NAV2: variants seen among roughly 807,000 people sequenced by gnomAD.
NAV2 encodes neuron navigator 2, also known as helicase, APC down-regulated 1.
Under a neutral mutation model 223.2 loss-of-function variants are expected in NAV2, and 54 were observed. The ratio of observed to expected loss-of-function variants is 0.24; its 90% CI spans 0.19 to 0.30. The LOEUF (loss-of-function observed/expected upper bound fraction) is 0.30. Among genes scored for constraint, NAV2 ranks in the 10% least tolerant of loss-of-function variants. The pLI, the probability that NAV2 is intolerant of heterozygous loss-of-function variation, is 1.00. For synonymous variants in NAV2, 1,279 were observed against 1,239.3 expected (o/e 1.03, Z -0.67); for missense variants, 2,806 against 3,147.5 (o/e 0.89, Z 2.60).
chr11:19,744,177 C>T (rs1343111265), intron 1 of NAV2, among the ~76,000 whole-genome samples: 1 of 152,218 alleles, frequency 6.6e-6, no homozygotes, highest in Non-Finnish European at 1.5e-5. Context: ...GTTTTAAACC[C>T]ATACTTCTGC....
At chr11:19,399,977 A>T (rs1485024137) in intron 1 of NAV2, among the ~76,000 whole-genome samples, 1 of 152,180 alleles carries the variant, frequency 6.6e-6, no homozygotes, top group Admixed American at 6.5e-5. Flanking sequence ...ACTGAGCAGG[A>T]GTTATTCACA....
At chr11:20,019,917 G>A (rs574919028) in intron 11 of NAV2, among the ~76,000 whole-genome samples, 31 of 151,852 alleles carry the variant, frequency 2.0e-4, no homozygotes, top group Non-Finnish European at 3.8e-4. Flanking sequence ...CATCTTGCCT[G>A]GTGGGTTGAA....
At chr11:19,734,926 A>G (rs1042155096) in intron 1 of NAV2, among the ~76,000 whole-genome samples, 2 of 152,210 alleles carry the variant, frequency 1.3e-5, no homozygotes, top group African/African-American at 4.8e-5. Context: ...CCTAGGTAGC[A>G]TGTAGTTATT....
chr11:19,852,633 A>G (rs1565429315), intron 3 of NAV2, among the ~76,000 whole-genome samples: 1 of 152,242 alleles, frequency 6.6e-6, no homozygotes, highest in Non-Finnish European at 1.5e-5. Flanking sequence ...GTTAATTAAC[A>G]TAACATTTAA....
At chr11:20,020,353 G>A (rs1314394744) in intron 11 of NAV2, among the ~76,000 whole-genome samples, 1 of 152,170 alleles carries the variant, frequency 6.6e-6, no homozygotes, top group Non-Finnish European at 1.5e-5. Context: ...TGAGTTCTGG[G>A]AGCCCTTTGG....
intron 1 of NAV2, among the ~76,000 whole-genome samples, chr11:19,759,239 T>C (rs2054520891): frequency 6.6e-6 from 1 of 151,888 alleles, no homozygotes; most frequent in South Asian, 2.1e-4. Flanking sequence ...CACGCCGCCA[T>C]GCCCGGCTAA....
chr11:19,470,286 A>G (rs2041921904), intron 1 of NAV2, among the ~76,000 whole-genome samples: 1 of 152,240 alleles, frequency 6.6e-6, no homozygotes, highest in Non-Finnish European at 1.5e-5. Context: ...AAGCAGGTGG[A>G]ACACTGGAAA....
chr11:19,449,389 TCC>T (rs2133774726), intron 1 of NAV2, among the ~76,000 whole-genome samples: 1 of 142,426 alleles, frequency 7.0e-6, no homozygotes, highest in Admixed American at 7.0e-5. Flanking sequence ...AGAGCGAGAC[TCC>T]ATCTCAAAAA....
At chr11:20,032,376 C>A (rs2055861232) in intron 11 of NAV2, among the ~76,000 whole-genome samples, 1 of 152,208 alleles carries the variant, frequency 6.6e-6, no homozygotes, top group Non-Finnish European at 1.5e-5. Context: ...TCCTGTGTAT[C>A]AAGGGCCACA....
chr11:20,040,057 G>A (rs1156377517), intron 12 of NAV2, among the ~76,000 whole-genome samples: 1 of 152,218 alleles, frequency 6.6e-6, no homozygotes, highest in Non-Finnish European at 1.5e-5. Context: ...GAGAGGATAA[G>A]ATGAGTTCAG....
intron 1 of NAV2, among the ~76,000 whole-genome samples, chr11:19,734,427 G>A (rs2052088770): frequency 6.6e-6 from 1 of 152,218 alleles, no homozygotes. Flanking sequence ...GAGAAGGCCT[G>A]TGCCAGCCAA....
intron 4 of NAV2, among the ~76,000 whole-genome samples, chr11:19,875,393 A>T (rs562380347): frequency 2.6e-5 from 4 of 152,348 alleles, no homozygotes; most frequent in Admixed American, 6.5e-5. Flanking sequence ...GTTGAATATT[A>T]TATGTAATTT....
chr11:19,521,840 A>T (rs571926011), intron 1 of NAV2, among the ~76,000 whole-genome samples: 1 of 152,170 alleles, frequency 6.6e-6, no homozygotes, highest in African/African-American at 2.4e-5. Flanking sequence ...ATGGCTCTGG[A>T]CCCTTCCTTT....
intron 1 of NAV2, among the ~76,000 whole-genome samples, chr11:19,392,795 G>T (rs189220405): frequency 6.6e-6 from 1 of 152,326 alleles, no homozygotes; most frequent in Non-Finnish European, 1.5e-5. Context: ...CTGTAGTGAG[G>T]TTCAAGTGTG....
Position 19,639,752 on chromosome 11 carries a change from A to C in NAV2, c.76-192732A>C, listed in dbSNP as rs1029378317. On this transcript the variant is annotated intron_variant, in intron 1 of 37. Transcript: ENST00000360655. ...TCTCACTCACAGGCACCCCCTACAG[A>C]GTGAGGGATGGGGCCAGGGCTTGTG... 9.9e-5 allele frequency among the ~76,000 whole-genome samples: 15 copies of C among 152,276 alleles called. No homozygotes were observed. In the East Asian group the frequency reaches 2.7e-3, roughly 28 times the overall value.
At chr11:19,448,369 A>G (rs776550090) in intron 1 of NAV2, among the ~76,000 whole-genome samples, 9 of 152,164 alleles carry the variant, frequency 5.9e-5, no homozygotes, top group Non-Finnish European at 1.3e-4. Context: ...CTTTCAAACT[A>G]GACCAGGTTT....
At chr11:19,360,374 C>G (rs1378776308) in intron 1 of NAV2, among the ~76,000 whole-genome samples, 2 of 152,218 alleles carry the variant, frequency 1.3e-5, no homozygotes, top group African/African-American at 4.8e-5. Flanking sequence ...CACTGATCCC[C>G]TGTCACTCTG....
intron 10 of NAV2, among the ~76,000 whole-genome samples, chr11:19,958,847 C>T (rs988319991): frequency 3.3e-5 from 5 of 152,170 alleles, no homozygotes; most frequent in African/African-American, 1.2e-4. Context: ...GGGTGGGTTG[C>T]AGATTCAAGA....
chr11:19,659,869 AG>A (rs893678421), intron 1 of NAV2, among the ~76,000 whole-genome samples: 4 of 152,126 alleles, frequency 2.6e-5, no homozygotes, highest in African/African-American at 9.7e-5. Flanking sequence ...TCTACTTCAC[AG>A]GGTTGTTGTG....
Sources: allele counts gnomAD v4.1 joint callset (sites outside exome capture counted in the v4.1 genomes callset), GRCh38; gene constraint gnomAD v4.1.1; transcripts MANE v1.5; gene names NCBI Gene and HGNC (gene_info 2026-07-23, HGNC 2026-07-21).